ZMYND8: variants seen among roughly 807,000 people sequenced by gnomAD.
ZMYND8 encodes MYND-type zinc finger-containing chromatin reader ZMYND8.
Under a neutral mutation model 140.8 loss-of-function variants are expected in ZMYND8, and 37 were observed. The ratio of observed to expected loss-of-function variants is 0.26; its 90% CI spans 0.20 to 0.35. The LOEUF is 0.35. ZMYND8 is among the 10% of genes least tolerant of loss of function. ZMYND8 has a pLI of 1.00. For missense variants in ZMYND8, 1,068 were observed against 1,570.0 expected (o/e 0.68, Z 5.40); for synonymous variants, 592 against 597.1 (o/e 0.99, Z 0.12).
intron 1 of ZMYND8, chr20:47,352,567 C>G: frequency 1.0e-6 from 1 of 983,662 alleles, no homozygotes. Context: ...GAACTAACAG[C>G]CTGAGTGGAT....
At chr20:47,297,203 T>G (rs1244362065) in intron 4 of ZMYND8, among the ~76,000 whole-genome samples, 1 of 152,184 alleles carries the variant, frequency 6.6e-6, no homozygotes, top group Non-Finnish European at 1.5e-5. Context: ...CAGCCGCCTT[T>G]TGCCATTTTA....
chr20:47,306,821 G>C (rs1290884759), intron 3 of ZMYND8, among the ~76,000 whole-genome samples: 1 of 152,144 alleles, frequency 6.6e-6, no homozygotes, highest in Non-Finnish European at 1.5e-5. Context: ...CGACAGTGGA[G>C]AATCTTCACA....
chr20:47,325,065 C>A (rs1398022043), intron 2 of ZMYND8, among the ~76,000 whole-genome samples: 1 of 152,116 alleles, frequency 6.6e-6, no homozygotes, highest in Non-Finnish European at 1.5e-5. Flanking sequence ...CCACCACGCC[C>A]AGCTAATTTT....
intron 5 of ZMYND8, among the ~76,000 whole-genome samples, chr20:47,293,359 A>G (rs1474607057): frequency 6.6e-6 from 1 of 152,234 alleles, no homozygotes; most frequent in African/African-American, 2.4e-5. Flanking sequence ...ATTTTCCTGA[A>G]AAGTATTGTG....
At chr20:47,343,014 T>C (rs1260170246) in intron 2 of ZMYND8, among the ~76,000 whole-genome samples, 1 of 152,108 alleles carries the variant, frequency 6.6e-6, no homozygotes, top group Admixed American at 6.5e-5. Context: ...GCATGGTGGT[T>C]CACACCTGTA....
chr20:47,338,238 G>A (rs73130979), intron 2 of ZMYND8, among the ~76,000 whole-genome samples: 182 of 152,186 alleles, frequency 1.2e-3, no homozygotes, highest in South Asian at 1.9e-3. Flanking sequence ...TCCCTGAGGA[G>A]GCTCCGGGCT....
At chr20:47,300,747 C>T (rs2077962294) in intron 3 of ZMYND8, among the ~76,000 whole-genome samples, 1 of 152,160 alleles carries the variant, frequency 6.6e-6, no homozygotes, top group South Asian at 2.1e-4. Flanking sequence ...CAGGGTCTTG[C>T]TCTGTCGCCC....
At position 47,238,694 on chromosome 20, in the gene ZMYND8, T is replaced by TTC. The variant is rs765415575; in HGVS notation, c.2665+62_2665+63dup. On this transcript the variant is annotated intron_variant, in intron 15 of 22. Transcript: ENST00000471951. ...AAAAAAAAATAAAAGAGCAATGACT[T>TTC]TCTCCTGTCGATGTGGCAAAATGGG... is the stretch of plus-strand genomic sequence containing the variant. The TTC allele has an allele frequency of 1.9e-6, 3 of 1,552,998 alleles. No homozygotes were observed. In the East Asian group the frequency reaches 7.2e-5, roughly 37 times the overall value.
chr20:47,215,828 A>T (rs948839319), intron 21 of ZMYND8, among the ~76,000 whole-genome samples: 1 of 152,254 alleles, frequency 6.6e-6, no homozygotes, highest in African/African-American at 2.4e-5. Context: ...TTCAGCAGCG[A>T]CACGTGGCTA....
At position 47,224,476 on chromosome 20, in the gene ZMYND8, A is replaced by G. The variant is rs938336842; in HGVS notation, c.3097T>C (p.Leu1033=). 2 of 1,613,646 alleles carry G rather than the reference A, an allele frequency of 1.2e-6. No individual in the cohort carries two copies. The highest frequency in any genetic ancestry group is 2.7e-5 in the African/African-American group (2 of 74,782). ...LIAEVKKQLE[L]EKQQAVDETK... ...TCATCCACCGCCTGCTGCTTCTCCA[A>G]CTCCAGCTGCTTCTTCACCTCGGCG... is the stretch of plus-strand genomic sequence containing the variant. Residue 1033 remains leucine (L), a synonymous_variant, in exon 19 of 23, where the codon TTG becomes CTG. Transcript: ENST00000471951.
At chr20:47,249,161 T>G in intron 13 of ZMYND8, 126 bp downstream of exon 13, 1 of 1,146,740 alleles carries the variant, frequency 8.7e-7, no homozygotes, top group South Asian at 1.7e-5. Flanking sequence ...GCTGAGCAAA[T>G]AGTTGAAAGT....
chr20:47,227,970 G>A (rs957909082), intron 17 of ZMYND8, among the ~76,000 whole-genome samples: 1 of 152,090 alleles, frequency 6.6e-6, no homozygotes, highest in Non-Finnish European at 1.5e-5. Context: ...GCGCACGCCT[G>A]TAATCCCAGC....
At chr20:47,336,658 G>C (rs1164686832) in intron 2 of ZMYND8, among the ~76,000 whole-genome samples, 1 of 152,238 alleles carries the variant, frequency 6.6e-6, no homozygotes, top group African/African-American at 2.4e-5. Flanking sequence ...GTCTCGCACA[G>C]GGAATGCAAA....
chr20:47,330,705 G>C (rs1029150603), intron 2 of ZMYND8, among the ~76,000 whole-genome samples: 1 of 152,178 alleles, frequency 6.6e-6, no homozygotes, highest in African/African-American at 2.4e-5. Context: ...ACAGACACTT[G>C]AGCTGGGTAA....
At chr20:47,242,220 G>A (rs1315774434) in intron 14 of ZMYND8, among the ~76,000 whole-genome samples, 1 of 152,186 alleles carries the variant, frequency 6.6e-6, no homozygotes, top group African/African-American at 2.4e-5. Flanking sequence ...AGAAGCCAAG[G>A]AGGGAAAGAG....
At chr20:47,256,092 T>C (rs888096449) in intron 12 of ZMYND8, among the ~76,000 whole-genome samples, 2 of 150,302 alleles carry the variant, frequency 1.3e-5, no homozygotes, top group African/African-American at 2.4e-5. Context: ...AAAAGACAGA[T>C]TTTTGTTCTA....
chr20:47,291,571 T>C (rs2077267605), intron 6 of ZMYND8, among the ~76,000 whole-genome samples: 1 of 152,188 alleles, frequency 6.6e-6, no homozygotes, highest in Non-Finnish European at 1.5e-5. Flanking sequence ...CGCAAAAGTA[T>C]TACCAAAGAA....
At chr20:47,224,883 C>T (rs1568910687) in intron 18 of ZMYND8, among the ~76,000 whole-genome samples, 3 of 151,002 alleles carry the variant, frequency 2.0e-5, no homozygotes, top group African/African-American at 7.3e-5. Context: ...AACTCACTTT[C>T]TATCCTATTA....
chr20:47,318,712 GC>G (rs1388107530), intron 2 of ZMYND8: 3 of 458,268 alleles, frequency 6.5e-6, no homozygotes, highest in South Asian at 4.6e-5. Context: ...TGCCAGAGCT[GC>G]CGGGCTGAGC....
Sources: gnomAD v4.1 joint callset for allele counts (sites outside exome capture counted in the v4.1 genomes callset) on GRCh38, gnomAD v4.1.1 for gene constraint, MANE v1.5 for transcripts, NCBI Gene and HGNC (gene_info 2026-07-23, HGNC 2026-07-21) for gene names.